ADD2: variants seen among roughly 807,000 people sequenced by gnomAD.
The protein encoded by ADD2 is beta-adducin.
A neutral mutation model predicts 83.0 loss-of-function variants in ADD2; 23 were observed. That is an observed-to-expected ratio of 0.28 (90% CI 0.20 to 0.39). The LOEUF (loss-of-function observed/expected upper bound fraction) is 0.39. Among genes scored for constraint, ADD2 ranks in the 10% least tolerant of loss-of-function variants. The pLI is 1.00. For synonymous variants in ADD2, 375 were observed against 375.4 expected (o/e 1.00, Z 0.01); for missense variants, 758 against 944.9 (o/e 0.80, Z 2.59).
chr2:70,663,482 T>C lies in ADD2; in HGVS notation c.2124A>G (p.Lys708=), dbSNP rs1357151256. The C allele has an allele frequency of 2.5e-6, 4 of 1,614,074 alleles. No homozygotes were observed. Among genetic ancestry groups the C allele is most frequent in the Non-Finnish European group, 2.5e-6 (3 of 1,180,006 alleles). Reference sequence around the variant, plus strand: ...TTTTCAGGAAGGAGGGGGTTCGGAATTTCTTTTTCTTCTTTGAGGGAGACT... The same window carrying C: ...TTTTCAGGAAGGAGGGGGTTCGGAACTTCTTTTTCTTCTTTGAGGGAGACT... ...PSKSPSKKKK[K]FRTPSFLKKS... is the part of the protein sequence containing the mutation. Residue 708 remains lysine, a synonymous_variant, in exon 16 of 16, where the codon AAA becomes AAG. Coordinates refer to ENST00000264436, the MANE Select transcript of ADD2 (RefSeq NM_001617.4).
At chr2:70,716,925 C>T (rs1415231499) in intron 1 of ADD2, among the ~76,000 whole-genome samples, 1 of 152,136 alleles carries the variant, frequency 6.6e-6, no homozygotes, top group African/African-American at 2.4e-5. Context: ...ATTAACAAAT[C>T]CGACATTAAT....
At chr2:70,745,225 G>C (rs1553381799) in intron 1 of ADD2, among the ~76,000 whole-genome samples, 2 of 152,114 alleles carry the variant, frequency 1.3e-5, no homozygotes, top group Non-Finnish European at 2.9e-5. Flanking sequence ...GGCGGAGCTT[G>C]CAGTGGGCCG....
intron 1 of ADD2, among the ~76,000 whole-genome samples, chr2:70,737,223 G>A (rs1464047263): frequency 1.3e-5 from 2 of 152,070 alleles, no homozygotes; most frequent in African/African-American, 2.4e-5. Flanking sequence ...TCCCATTACT[G>A]GGTATATACC....
At chr2:70,728,627 T>G (rs1673130174) in intron 1 of ADD2, among the ~76,000 whole-genome samples, 1 of 152,244 alleles carries the variant, frequency 6.6e-6, no homozygotes, top group South Asian at 2.1e-4. Context: ...GCTATGGACA[T>G]TGCCCTTTTG....
chr2:70,749,718 T>A (rs1674412240), intron 1 of ADD2, among the ~76,000 whole-genome samples: 1 of 152,168 alleles, frequency 6.6e-6, no homozygotes. Flanking sequence ...TCTCCCTGTC[T>A]AGAAGGTAGT....
intron 1 of ADD2, among the ~76,000 whole-genome samples, chr2:70,727,449 C>T (rs981100146): frequency 3.3e-5 from 5 of 152,152 alleles, no homozygotes; most frequent in Admixed American, 2.6e-4. Context: ...CACTAAACTG[C>T]CTTCTTTTCC....
In ADD2 at chr2:70,658,835, T is replaced by C. The variant is rs1198219066; in HGVS notation, c.*4590A>G. ...TTACCCTTGTCCCAAAACTAGAACA[T>C]AAAATTCACACAAAAGAAAAAACGT... is the stretch of plus-strand genomic sequence containing the variant. On this transcript the variant is annotated 3_prime_UTR_variant, in exon 16 of 16. Coordinates refer to ENST00000264436, the MANE Select transcript of ADD2 (RefSeq NM_001617.4). 1 of 151,976 alleles carries C rather than the reference T, an allele frequency of 6.6e-6. No individual in the cohort carries two copies. The highest frequency in any genetic ancestry group is 2.4e-5 in the African/African-American group (1 of 41,350). The allele number at this position is 151,976 out of a possible 1,614,324, so 9.4% of individuals were successfully genotyped here.
chr2:70,669,298 T>A (rs898261195), intron 15 of ADD2, among the ~76,000 whole-genome samples: 1 of 152,210 alleles, frequency 6.6e-6, no homozygotes, highest in Admixed American at 6.5e-5. Flanking sequence ...TCTTCTTTAG[T>A]GTTGTCCTCA....
At chr2:70,688,726 TCA>T in intron 8 of ADD2, among the ~76,000 whole-genome samples, 1 of 152,264 alleles carries the variant, frequency 6.6e-6, no homozygotes, top group East Asian at 1.9e-4. Flanking sequence ...CTCTGAGATC[TCA>T]CAGCTCTAGA....
In ADD2 at chr2:70,674,667, G is replaced by C; in HGVS notation, c.1741+11C>G. The C allele has an allele frequency of 6.2e-7, 1 of 1,612,244 alleles. No homozygotes were observed. The highest frequency in any genetic ancestry group is 2.2e-5 in the East Asian group (1 of 44,854). On this transcript the variant is annotated intron_variant, in intron 14 of 15. Transcript: ENST00000264436. ...GACTTGGAAGCAAGGGTGTGCCTCA[G>C]GGTCATTTACCATCAAGTTCTAGTT...
chr2:70,768,191 A>C lies in ADD2; in HGVS notation c.-459T>G, dbSNP rs1675513055. 1.7e-6 allele frequency: 1 copy of C among 580,376 alleles called. No individual in the cohort carries two copies. The highest frequency in any genetic ancestry group is 3.0e-6 in the Non-Finnish European group (1 of 329,360). 36.0% of individuals were successfully genotyped at this position (580,376 alleles called of 1,614,324 possible). On this transcript the variant is annotated 5_prime_UTR_variant, in exon 1 of 16. Coordinates refer to ENST00000264436, the MANE Select transcript of ADD2 (RefSeq NM_001617.4). Reference sequence around the variant, plus strand: ...AAGCCATTTCCCGCACGAGGCTGGGAGGAAATGAGAGCTCTCCTGGCCCTG... The same window carrying C: ...AAGCCATTTCCCGCACGAGGCTGGGCGGAAATGAGAGCTCTCCTGGCCCTG...
rs200519011 is a variant in ADD2, at chr2:70,706,402, C to T, written c.7G>A (p.Glu3Lys). The change falls in exon 3 of 16, where the codon GAA becomes AAA. Residue 3 changes from glutamate (E) to lysine (K), a missense_variant. Physicochemically the swap from Glu to Lys is moderately conservative, Grantham distance 56 (BLOSUM62 1). Around this residue, in one of 5 missense-constraint regions of ADD2, gnomAD observed 175 missense variants for 192.1 expected, o/e 0.91. Coordinates refer to ENST00000264436, the MANE Select transcript of ADD2 (RefSeq NM_001617.4). The surrounding 1 kb of genome is among the most constrained non-coding windows in gnomAD (Gnocchi z 5.0). MSEETVPEAASPP... is the reference protein window; with the variant it reads MSKETVPEAASPP... ...GAGGCAGCCTCGGGGACCGTCTCTT[C>T]GCTCATTTTCCCGGTGGGTTTGCAA... The T allele has an allele frequency of 3.3e-5, 53 of 1,604,916 alleles. No individual in the cohort carries two copies. The highest frequency in any genetic ancestry group is 1.6e-4 in the African/African-American group (12 of 74,870).
chr2:70,700,348 A>G (rs1671526758), intron 4 of ADD2, among the ~76,000 whole-genome samples: 1 of 152,172 alleles, frequency 6.6e-6, no homozygotes, highest in Non-Finnish European at 1.5e-5. Context: ...ACTCCTAGAT[A>G]GCTCTTAGAA....
chr2:70,690,852 G>A lies in ADD2; in HGVS notation c.783C>T (p.Phe261=), dbSNP rs1553371432. ...LLVGDMAYYD[F]NGEMEQEADR... is the part of the protein sequence containing the mutation. ...CGGCTTCCTGCTCCATTTCCCCATTGAAGTCATAATAGGCCATGTCCCCCA... is the reference window on the plus strand; with the variant it reads ...CGGCTTCCTGCTCCATTTCCCCATTAAAGTCATAATAGGCCATGTCCCCCA... The change falls in exon 8 of 16, where the codon TTC becomes TTT. Residue 261 remains phenylalanine, a synonymous_variant. Transcript: ENST00000264436. 4 of 1,614,158 alleles carry A rather than the reference G, an allele frequency of 2.5e-6. No individual in the cohort carries two copies. Among genetic ancestry groups the A allele is most frequent in the Non-Finnish European group, 3.4e-6 (4 of 1,180,036 alleles).
chr2:70,717,043 C>T (rs1574282137), intron 1 of ADD2, among the ~76,000 whole-genome samples: 1 of 152,134 alleles, frequency 6.6e-6, no homozygotes, highest in Non-Finnish European at 1.5e-5. Context: ...TCTCTCACCT[C>T]CTCCCTTGAG....
chr2:70,729,417 C>T (rs1244841589), intron 1 of ADD2, among the ~76,000 whole-genome samples: 1 of 152,100 alleles, frequency 6.6e-6, no homozygotes, highest in Non-Finnish European at 1.5e-5. Flanking sequence ...CATTAAATTC[C>T]CTCGGTTGGA....
chr2:70,740,400 T>A (rs1407406625), intron 1 of ADD2, among the ~76,000 whole-genome samples: 2 of 152,170 alleles, frequency 1.3e-5, no homozygotes, highest in African/African-American at 4.8e-5. Context: ...CTAATTAGAC[T>A]TAAAGGTATC....
intron 1 of ADD2, among the ~76,000 whole-genome samples, chr2:70,730,308 T>G (rs1322077817): frequency 6.6e-6 from 1 of 152,228 alleles, no homozygotes; most frequent in African/African-American, 2.4e-5. Flanking sequence ...ACATCGGGCC[T>G]CTGCACACAG....
chr2:70,696,710 C>T (rs1453412782), intron 4 of ADD2, among the ~76,000 whole-genome samples: 1 of 152,162 alleles, frequency 6.6e-6, no homozygotes, highest in Non-Finnish European at 1.5e-5. Context: ...AAGATGGGCA[C>T]TGAATCAAAG....
Sources: allele counts gnomAD v4.1 joint callset (sites outside exome capture counted in the v4.1 genomes callset), GRCh38; gene constraint gnomAD v4.1.1; regional missense constraint gnomAD v4.1.1; non-coding constraint Gnocchi (gnomAD v3.1); transcripts MANE v1.5; gene names NCBI Gene and HGNC (gene_info 2026-07-23, HGNC 2026-07-21).